Variants in AUTS2 observed in about 807,000 individuals in gnomAD.
The protein encoded by AUTS2 is activator of transcription and developmental regulator AUTS2, also known as autism susceptibility gene 2 protein.
AUTS2 carries 17 observed loss-of-function variants against 112.4 expected under a neutral mutation model. The observed-to-expected ratio is 0.15, with a 90% confidence interval of 0.10 to 0.23. The LOEUF (loss-of-function observed/expected upper bound fraction) is 0.23, where lower values mean the gene tolerates loss of function less well. Among genes scored for constraint, AUTS2 ranks in the 10% least tolerant of loss-of-function variants. The pLI is 1.00. For missense variants in AUTS2, 1,510 were observed against 1,701.6 expected (o/e 0.89, Z 1.98); for synonymous variants, 751 against 702.7 (o/e 1.07, Z -1.09).
intron 5 of AUTS2, among the ~76,000 whole-genome samples, chr7:70,536,978 G>C (rs1207814863): frequency 6.6e-6 from 1 of 152,116 alleles, no homozygotes; most frequent in Non-Finnish European, 1.5e-5. Context: ...TAGATGTATG[G>C]CTGACCTTCC....
intron 6 of AUTS2, among the ~76,000 whole-genome samples, chr7:70,721,312 G>GTGTGTGTGTT (rs1554470445): frequency 6.6e-6 from 1 of 150,918 alleles, no homozygotes; most frequent in Non-Finnish European, 1.5e-5. Flanking sequence ...GTGTGTGTGT[G>GTGTGTGTGTT]TTTCCGATGG....
chr7:70,776,563 G>A (rs769515450), intron 13 of AUTS2: 23 of 158,544 alleles, frequency 1.5e-4, no homozygotes, highest in Non-Finnish European at 2.5e-4. Flanking sequence ...TAGCATTTAC[G>A]GTAACTGGGC....
intron 5 of AUTS2, among the ~76,000 whole-genome samples, chr7:70,463,168 A>G (rs1443458196): frequency 9.2e-5 from 14 of 152,200 alleles, no homozygotes. Context: ...ACCCATCTCT[A>G]GTAGAAGTTT....
intron 1 of AUTS2, among the ~76,000 whole-genome samples, chr7:69,621,317 A>G (rs1161887810): frequency 6.6e-6 from 1 of 152,174 alleles, no homozygotes; most frequent in East Asian, 1.9e-4. Context: ...ATGCTTCTTA[A>G]GAGTTTTATT....
At chr7:70,233,757 A>C (rs1017652357) in intron 4 of AUTS2, among the ~76,000 whole-genome samples, 3 of 152,194 alleles carry the variant, frequency 2.0e-5, no homozygotes, top group African/African-American at 7.2e-5. Context: ...CTATGGAGAG[A>C]AGACCATAAG....
intron 5 of AUTS2, among the ~76,000 whole-genome samples, chr7:70,481,173 T>C (rs1230257544): frequency 5.3e-5 from 8 of 152,162 alleles, no homozygotes; most frequent in Non-Finnish European, 1.0e-4. Context: ...GGTTCAGCTC[T>C]CAGGACAAAT....
At chr7:70,082,617 C>T (rs1282783401) in intron 2 of AUTS2, among the ~76,000 whole-genome samples, 1 of 152,164 alleles carries the variant, frequency 6.6e-6, no homozygotes, top group Non-Finnish European at 1.5e-5. Flanking sequence ...GAAACCTGGC[C>T]TTTTAGTCTT....
intron 2 of AUTS2, among the ~76,000 whole-genome samples, chr7:70,021,322 CTTTCT>C (rs1800264238): frequency 6.6e-6 from 1 of 152,192 alleles, no homozygotes; most frequent in Admixed American, 6.5e-5. Flanking sequence ...TCCATTTGAA[CTTTCT>C]TTTAATTATC....
chr7:70,227,808 G>T (rs1811844454), intron 4 of AUTS2, among the ~76,000 whole-genome samples: 1 of 152,006 alleles, frequency 6.6e-6, no homozygotes. Context: ...TACTTTATGT[G>T]ATATTAGTCA....
chr7:70,299,981 A>G (rs1455446505), intron 4 of AUTS2, among the ~76,000 whole-genome samples: 2 of 152,200 alleles, frequency 1.3e-5, no homozygotes, highest in Non-Finnish European at 2.9e-5. Context: ...GAATTTTATG[A>G]TAGCCTTGCT....
chr7:70,483,161 C>CT (rs1797855885), intron 5 of AUTS2, among the ~76,000 whole-genome samples: 1 of 152,156 alleles, frequency 6.6e-6, no homozygotes, highest in Non-Finnish European at 1.5e-5. Flanking sequence ...TGCTCCCAGC[C>CT]TTTTCCCACC....
chr7:70,316,731 C>T (rs556925589), intron 4 of AUTS2, among the ~76,000 whole-genome samples: 125 of 152,152 alleles, frequency 8.2e-4, no homozygotes, highest in Admixed American at 1.6e-3. Context: ...GTGTTTTGAT[C>T]CTAAGGAGAC....
At position 69,948,781 on chromosome 7, in the gene AUTS2, T is replaced by C. The variant is rs1021300149; in HGVS notation, c.522+49283T>C. On this transcript the variant is annotated intron_variant, in intron 2 of 18. Transcript: ENST00000342771. The stretch of plus-strand genomic sequence containing the variant: ...AAGCCAAAATTTTCTTTCATTTATT[T>C]ATTTATTTATTTATTTATTTATTTA... Among the ~76,000 whole-genome samples the C allele has an allele frequency of 2.0e-4, 22 of 108,384 alleles. No homozygotes were observed. In the East Asian group the frequency reaches 2.4e-3, roughly 12 times the overall value. The allele number at this position is 108,384 out of a possible 152,430, so 71.1% of individuals were successfully genotyped here. A position where few individuals can be genotyped will look rare whatever the true frequency, so the allele number is the denominator to read the frequency against.
chr7:69,840,838 T>C (rs1791946025), intron 1 of AUTS2, among the ~76,000 whole-genome samples: 1 of 152,208 alleles, frequency 6.6e-6, no homozygotes, highest in African/African-American at 2.4e-5. Flanking sequence ...GCTTTACAAA[T>C]GGATGCTACC....
intron 4 of AUTS2, among the ~76,000 whole-genome samples, chr7:70,418,854 G>GTT (rs34232313): frequency 6.7e-6 from 1 of 148,252 alleles, no homozygotes; most frequent in African/African-American, 2.5e-5. Context: ...TTTTTCCAGT[G>GTT]TTTTTTTTTT....
At chr7:69,823,059 T>G (rs1791068414) in intron 1 of AUTS2, among the ~76,000 whole-genome samples, 1 of 152,220 alleles carries the variant, frequency 6.6e-6, no homozygotes, top group African/African-American at 2.4e-5. Context: ...TTTGCATTTT[T>G]GTCTCCACTT....
chr7:70,122,272 A>C (rs1052390544), intron 3 of AUTS2, among the ~76,000 whole-genome samples: 1 of 152,170 alleles, frequency 6.6e-6, no homozygotes, highest in Non-Finnish European at 1.5e-5. Context: ...ATAGATAGTC[A>C]TGACAGTTGC....
chr7:69,603,712 G>A (rs1017103253), intron 1 of AUTS2, among the ~76,000 whole-genome samples: 4 of 152,122 alleles, frequency 2.6e-5, no homozygotes, highest in African/African-American at 7.2e-5. Context: ...AATTAACGTT[G>A]GTATATAGTA....
chr7:69,715,970 A>G (rs777224224), intron 1 of AUTS2, among the ~76,000 whole-genome samples: 3 of 152,212 alleles, frequency 2.0e-5, no homozygotes, highest in Non-Finnish European at 4.4e-5. Flanking sequence ...CAGTCTGGCT[A>G]TAGAGCACAG....
Sources: gnomAD v4.1 joint callset for allele counts (sites outside exome capture counted in the v4.1 genomes callset) on GRCh38, gnomAD v4.1.1 for gene constraint, MANE v1.5 for transcripts, NCBI Gene and HGNC (gene_info 2026-07-23, HGNC 2026-07-21) for gene names.